Variants in MARCHF11 observed in about 807,000 individuals in gnomAD.
MARCHF11 encodes the protein membrane associated ring-CH-type finger 11, also known as E3 ubiquitin-protein ligase MARCHF11.
Under a neutral mutation model 37.3 loss-of-function variants are expected in MARCHF11, and 29 were observed. The observed-to-expected ratio is 0.78, with a 90% CI of 0.58 to 1.06. The LOEUF is 1.06. Ranked by LOEUF, MARCHF11 falls within the 50% of genes least tolerant of loss-of-function variation. MARCHF11 has a pLI of 0.00. For missense variants in MARCHF11, 482 were observed against 533.4 expected (o/e 0.90, Z 0.95); for synonymous variants, 233 against 228.0 (o/e 1.02, Z -0.20).
intron 2 of MARCHF11, among the ~76,000 whole-genome samples, chr5:16,152,786 C>T (rs1737909629): frequency 6.6e-6 from 1 of 151,964 alleles, no homozygotes; most frequent in African/African-American, 2.4e-5. Context: ...CCACCTGCAG[C>T]TAGTTATGCT....
chr5:16,126,095 C>G (rs1737401429), intron 2 of MARCHF11, among the ~76,000 whole-genome samples: 1 of 152,148 alleles, frequency 6.6e-6, no homozygotes, highest in South Asian at 2.1e-4. Context: ...TAACATCACT[C>G]TGGCCAACAG....
chr5:16,068,939 A>T (rs1040094018), intron 3 of MARCHF11, among the ~76,000 whole-genome samples: 3 of 152,246 alleles, frequency 2.0e-5, no homozygotes, highest in Non-Finnish European at 4.4e-5. Context: ...TGATAAATTT[A>T]AAAATGAGCA....
intron 3 of MARCHF11, among the ~76,000 whole-genome samples, chr5:16,083,239 G>A (rs1002799320): frequency 6.6e-6 from 1 of 152,102 alleles, no homozygotes; most frequent in South Asian, 2.1e-4. Context: ...TCCCGAATCA[G>A]ACCACACTGG....
chr5:16,144,178 T>C (rs1737764667), intron 2 of MARCHF11, among the ~76,000 whole-genome samples: 1 of 152,204 alleles, frequency 6.6e-6, no homozygotes, highest in African/African-American at 2.4e-5. Context: ...AAGCACTTTA[T>C]ACACAGAAAC....
intron 2 of MARCHF11, among the ~76,000 whole-genome samples, chr5:16,109,869 G>C (rs1284855420): frequency 1.3e-5 from 2 of 152,214 alleles, no homozygotes; most frequent in Non-Finnish European, 2.9e-5. Flanking sequence ...CACATGCCTA[G>C]TGCCAGAAGT....
intron 2 of MARCHF11, among the ~76,000 whole-genome samples, chr5:16,160,083 CTA>C (rs1738044727): frequency 6.6e-6 from 1 of 151,516 alleles, no homozygotes; most frequent in Non-Finnish European, 1.5e-5. Flanking sequence ...AAAACTTCCC[CTA>C]TAACTGGCCA....
intron 2 of MARCHF11, among the ~76,000 whole-genome samples, chr5:16,150,947 G>C (rs1737878599): frequency 6.6e-6 from 1 of 151,976 alleles, no homozygotes; most frequent in Non-Finnish European, 1.5e-5. Context: ...TATGATAAAT[G>C]AATCAACTCA....
At chr5:16,091,680 T>C (rs1736792830) in intron 2 of MARCHF11, among the ~76,000 whole-genome samples, 1 of 152,242 alleles carries the variant, frequency 6.6e-6, no homozygotes, top group African/African-American at 2.4e-5. Flanking sequence ...ATCTAATGGG[T>C]AAGCCATGAA....
intron 2 of MARCHF11, among the ~76,000 whole-genome samples, chr5:16,148,208 T>C (rs934259055): frequency 3.3e-5 from 5 of 152,128 alleles, no homozygotes; most frequent in Non-Finnish European, 7.4e-5. Context: ...ACAGAGGGCA[T>C]GAATTTACTT....
chr5:16,094,459 G>A (rs1216233583), intron 2 of MARCHF11, among the ~76,000 whole-genome samples: 1 of 152,060 alleles, frequency 6.6e-6, no homozygotes. Flanking sequence ...AAACTTTTCA[G>A]TGAAATATTT....
chr5:16,091,673 T>C (rs571327192), intron 2 of MARCHF11, among the ~76,000 whole-genome samples: 2 of 152,340 alleles, frequency 1.3e-5, no homozygotes, highest in Non-Finnish European at 2.9e-5. Context: ...TTTTATTATC[T>C]AATGGGTAAG....
intron 2 of MARCHF11, among the ~76,000 whole-genome samples, chr5:16,093,458 T>C (rs1244459152): frequency 1.3e-5 from 2 of 152,126 alleles, no homozygotes; most frequent in Admixed American, 6.5e-5. Context: ...ATGCTTGGAT[T>C]TGGCAGGATG....
chr5:16,094,369 C>T (rs148411373), intron 2 of MARCHF11, among the ~76,000 whole-genome samples: 6 of 152,258 alleles, frequency 3.9e-5, no homozygotes, highest in African/African-American at 1.4e-4. Flanking sequence ...CGTGGGACTT[C>T]TCTCTCTATC....
chr5:16,087,683 C>A (rs1272494849), intron 3 of MARCHF11, among the ~76,000 whole-genome samples: 2 of 151,894 alleles, frequency 1.3e-5, no homozygotes, highest in African/African-American at 2.4e-5. Flanking sequence ...ACTATGATAG[C>A]GGCTAGACCC....
intron 2 of MARCHF11, among the ~76,000 whole-genome samples, chr5:16,145,426 A>G (rs1348753306): frequency 3.3e-5 from 5 of 152,154 alleles, no homozygotes; most frequent in Admixed American, 2.6e-4. Flanking sequence ...CCAAGTCACC[A>G]TTTTAGAATC....
At chr5:16,143,503 A>G (rs557165199) in intron 2 of MARCHF11, among the ~76,000 whole-genome samples, 2 of 152,316 alleles carry the variant, frequency 1.3e-5, no homozygotes, top group African/African-American at 4.8e-5. Context: ...ATCCAACAGG[A>G]ACTCCTTTCG....
At chr5:16,111,125 G>A (rs1351257378) in intron 2 of MARCHF11, among the ~76,000 whole-genome samples, 1 of 152,114 alleles carries the variant, frequency 6.6e-6, no homozygotes, top group Non-Finnish European at 1.5e-5. Context: ...GTCTTTATCA[G>A]CAGCATGAAA....
chr5:16,173,319 T>C (rs1454087165), intron 2 of MARCHF11, among the ~76,000 whole-genome samples: 1 of 152,176 alleles, frequency 6.6e-6, no homozygotes, highest in East Asian at 1.9e-4. Context: ...GCCTCCTGCC[T>C]ACTCACAGGT....
intron 3 of MARCHF11, among the ~76,000 whole-genome samples, chr5:16,079,714 T>C (rs988610485): frequency 2.0e-5 from 3 of 152,190 alleles, no homozygotes; most frequent in Admixed American, 6.5e-5. Context: ...TCCGAGTCTT[T>C]TCCCACATTG....
Sources: gnomAD v4.1 joint callset for allele counts (sites outside exome capture counted in the v4.1 genomes callset) on GRCh38, gnomAD v4.1.1 for gene constraint, MANE v1.5 for transcripts, NCBI Gene and HGNC (gene_info 2026-07-23, HGNC 2026-07-21) for gene names.